The following AKNAD1 variants were observed in gnomAD, a reference collection of about 807,000 sequenced individuals.
The protein encoded by AKNAD1 is AKNA domain containing 1, also known as protein AKNAD1.
AKNAD1 carries 67 observed loss-of-function variants against 90.8 expected under a neutral mutation model. The ratio of observed to expected loss-of-function variants is 0.74; its 90% confidence interval spans 0.61 to 0.90. The LOEUF (loss-of-function observed/expected upper bound fraction) is 0.90, where lower values mean the gene tolerates loss of function less well. AKNAD1 is among the 40% of genes least tolerant of loss of function. The pLI is 0.00. For missense variants in AKNAD1, 957 were observed against 975.4 expected, an observed-to-expected ratio of 0.98 and a Z score of 0.25; for synonymous variants, 327 against 341.4, an observed-to-expected ratio of 0.96 and a Z score of 0.46.
At chr1:108,821,859 C>T (rs1326684551) in intron 13 of AKNAD1, among the ~76,000 whole-genome samples, 1 of 151,932 alleles carries the variant, frequency 6.6e-6, no homozygotes, top group Non-Finnish European at 1.5e-5. Context: ...TCTTCTTCTT[C>T]TCTCTGTCTT....
chr1:108,856,755 C>CACACACACACACACACACACAG (rs1665059410), intron 1 of AKNAD1, among the ~76,000 whole-genome samples, 174 bp downstream of exon 1: 3 of 151,880 alleles, frequency 2.0e-5, no homozygotes, highest in Non-Finnish European at 4.4e-5. Context: ...AACACACACA[C>CACACACACACACACACACACAG]AGACAAAGAA....
chr1:108,823,438 GAGTA>G lies in AKNAD1; in HGVS notation c.2095_2098del (p.Tyr699GlnfsTer15). ...AAAGGCACCTCTTTTGCTATGATTT[GAGTA>G]ATTCTGTCCTGGAGTGTTGTATCTA... On this transcript the variant is annotated frameshift_variant, in exon 13 of 16. Transcript: ENST00000370001. LOFTEE classifies it high-confidence loss of function. 6.2e-7 allele frequency: 1 copy of G among 1,614,118 alleles called. No homozygotes were observed. The highest frequency in any genetic ancestry group is 8.5e-7 in the Non-Finnish European group (1 of 1,179,990).
rs772054804 is a variant in AKNAD1 at position 108,823,388 on chromosome 1, T to C, written c.2149A>G (p.Ser717Gly). 6.2e-7 allele frequency: 1 copy of C among 1,613,772 alleles called. No individual in the cohort carries two copies. The highest frequency in any genetic ancestry group is 8.5e-7 in the Non-Finnish European group (1 of 1,179,648). Residue 717 changes from serine (S) to glycine (G), a missense_variant, in exon 13 of 16, where the codon AGT becomes GGT. Coordinates refer to ENST00000370001, the MANE Select transcript of AKNAD1 (RefSeq NM_152763.5). ...TACTTACAGGGTGAAGAGTTTTTAC[T>C]TTCATCTAAAGAATGGGGCTGGACA... ...AFVQPHSLDE[S>G]KNSSPSFLKP...
At chr1:108,819,643 GCCAGACACCTGTAATT>G (rs1041831087) in intron 14 of AKNAD1, among the ~76,000 whole-genome samples, 2 of 151,590 alleles carry the variant, frequency 1.3e-5, no homozygotes, top group African/African-American at 4.9e-5. Flanking sequence ...TCACTGGGGG[GCCAGACACCTGTAATT>G]CCAGTGCTTT....
intron 6 of AKNAD1, among the ~76,000 whole-genome samples, chr1:108,842,521 C>T (rs745450330): frequency 6.6e-6 from 1 of 152,182 alleles, no homozygotes; most frequent in Admixed American, 6.6e-5. Context: ...TGAATTAACT[C>T]AGAAATCATT....
intron 11 of AKNAD1, among the ~76,000 whole-genome samples, chr1:108,825,582 C>T (rs530734404): frequency 6.6e-6 from 1 of 151,498 alleles, no homozygotes; most frequent in South Asian, 2.1e-4. Context: ...ATAATATATA[C>T]CATTTTATAT....
Position 108,823,621 on chromosome 1 carries a change from G to T in AKNAD1, c.2004C>A (p.Asp668Glu). 1 of 1,614,178 alleles carries T rather than the reference G, an allele frequency of 6.2e-7. No individual in the cohort carries two copies. Residue 668 changes from aspartate to glutamate, a missense_variant, in exon 12 of 16, where the codon GAC (aspartate) becomes GAA (glutamate). Coordinates refer to ENST00000370001, the MANE Select transcript of AKNAD1 (RefSeq NM_152763.5). ...GTEMQSNKCQ[D>E]CGTKIPTSRR... ...GGGAGGTAGGAATCTTAGTGCCACA[G>T]TCCTGACATTTGTTACTCTGCATTT... is the stretch of plus-strand genomic sequence containing the variant.
At chr1:108,827,130 T>C (rs1445304973) in intron 11 of AKNAD1, 75 bp downstream of exon 11, 1 of 1,021,308 alleles carries the variant, frequency 9.8e-7, no homozygotes, top group Admixed American at 1.9e-5. Context: ...GATGGCAAGC[T>C]GGTGCCTACT....
chr1:108,828,506 G>A (rs1320834536), intron 10 of AKNAD1, among the ~76,000 whole-genome samples: 3 of 151,762 alleles, frequency 2.0e-5, no homozygotes, highest in Non-Finnish European at 4.4e-5. Context: ...AAGGCACTGT[G>A]CCCGAGATAT....
At chr1:108,831,078 CT>C (rs1313360778) in intron 9 of AKNAD1, among the ~76,000 whole-genome samples, 15 of 152,338 alleles carry the variant, frequency 9.8e-5, no homozygotes, top group Admixed American at 5.2e-4. Flanking sequence ...AATCTGACCG[CT>C]GGCTAGTAGA....
chr1:108,817,207 G>T, intron 14 of AKNAD1, 30 bp from the exon 15 acceptor site: 1 of 1,612,664 alleles, frequency 6.2e-7, no homozygotes, highest in Non-Finnish European at 8.5e-7. Flanking sequence ...TGATACTTGT[G>T]TCAAGCGCCA....
intron 2 of AKNAD1, among the ~76,000 whole-genome samples, chr1:108,851,226 T>C (rs768427932): frequency 3.3e-5 from 5 of 152,122 alleles, no homozygotes; most frequent in Non-Finnish European, 7.4e-5. Flanking sequence ...GAAAAGGTTG[T>C]GACTTAGGAG....
chr1:108,841,564 G>A (rs1664553859), intron 6 of AKNAD1, among the ~76,000 whole-genome samples: 1 of 152,170 alleles, frequency 6.6e-6, no homozygotes, highest in Non-Finnish European at 1.5e-5. Context: ...CCTTGTAAAG[G>A]TAATAATGAG....
chr1:108,836,721 A>G (rs905106806), intron 7 of AKNAD1: 2 of 152,242 alleles, frequency 1.3e-5, no homozygotes, highest in African/African-American at 4.8e-5. Context: ...ATGAAACTAA[A>G]GAGTCAATTT....
chr1:108,830,829 A>C, intron 9 of AKNAD1, 179 bp from the exon 10 acceptor site: 1 of 623,132 alleles, frequency 1.6e-6, no homozygotes, highest in South Asian at 1.9e-5. Context: ...GGAGGGAAAG[A>C]AGAAAGAGCC....
chr1:108,823,238 A>C (rs1226934505), intron 13 of AKNAD1, 132 bp downstream of exon 13: 2 of 770,358 alleles, frequency 2.6e-6, no homozygotes, highest in Non-Finnish European at 4.7e-6. Flanking sequence ...AGGTGAGTGC[A>C]CAAGACCTGG....
At chr1:108,853,316 A>G (rs928186938) in intron 1 of AKNAD1, among the ~76,000 whole-genome samples, 1 of 151,848 alleles carries the variant, frequency 6.6e-6, no homozygotes, top group African/African-American at 2.4e-5. Context: ...TATTTTTAGT[A>G]GAGATGGGGT....
At chr1:108,816,409 C>G in intron 15 of AKNAD1, 107 bp from the exon 16 acceptor site, 1 of 1,219,234 alleles carries the variant, frequency 8.2e-7, no homozygotes, top group Non-Finnish European at 1.1e-6. Flanking sequence ...GGGGAGTATT[C>G]CTGTTTTCCT....
chr1:108,817,533 G>T lies in AKNAD1; in HGVS notation c.2250-356C>A, dbSNP rs547483858. 2.9e-3 allele frequency: 303 copies of T among 102,898 alleles called. 1 individual carries two copies. Among genetic ancestry groups the T allele is most frequent in the Middle Eastern group, 0.011 (1 of 92 alleles). The allele number at this position is 102,898 out of a possible 1,614,324, so 6.4% of individuals were successfully genotyped here. On this transcript the variant is annotated intron_variant, in intron 14 of 15. Coordinates refer to ENST00000370001, the MANE Select transcript of AKNAD1 (RefSeq NM_152763.5). ...TTTTTTTTTTTTGAGACAGAGTCTC[G>T]CTCTGTTGCCCAGGCTGGAGTGCAG...
Sources: allele counts gnomAD v4.1 joint callset (sites outside exome capture counted in the v4.1 genomes callset), GRCh38; gene constraint gnomAD v4.1.1; transcripts MANE v1.5; gene names NCBI Gene and HGNC (gene_info 2026-07-23, HGNC 2026-07-21).